The following C6orf163 variants were observed in gnomAD, a reference collection of about 807,000 sequenced individuals.
The protein encoded by C6orf163 is uncharacterized protein C6orf163.
Under a neutral mutation model 28.4 loss-of-function variants are expected in C6orf163, and 22 were observed. That is an observed-to-expected ratio of 0.78 (90% CI 0.55 to 1.11). C6orf163 has a LOEUF of 1.11. Ranked by LOEUF, C6orf163 falls within the 50% of genes least tolerant of loss-of-function variation. The pLI is 0.00. For missense variants in C6orf163, 342 were observed against 389.1 expected (o/e 0.88, Z 1.02); for synonymous variants, 110 against 123.6 (o/e 0.89, Z 0.73).
intron 4 of C6orf163, among the ~76,000 whole-genome samples, chr6:87,363,130 C>A (rs77153290): frequency 1.3e-5 from 2 of 152,134 alleles, no homozygotes; most frequent in Non-Finnish European, 2.9e-5. Flanking sequence ...TTAATGTATG[C>A]ATAGAATGCT....
At chr6:87,356,030 A>G (rs1582108500) in intron 3 of C6orf163, 1 of 368,798 alleles carries the variant, frequency 2.7e-6, no homozygotes, top group East Asian at 4.6e-5. Context: ...CTTTAACCCT[A>G]CCCCTCTAAC....
chr6:87,347,894 G>C, intron 1 of C6orf163: 1 of 984,276 alleles, frequency 1.0e-6, no homozygotes, highest in South Asian at 4.7e-5. Context: ...GGTGGCTCAC[G>C]CCTGTAATCC....
At chr6:87,352,099 A>AC (rs1777422188) in intron 3 of C6orf163, among the ~76,000 whole-genome samples, 1 of 121,112 alleles carries the variant, frequency 8.3e-6, no homozygotes, top group Non-Finnish European at 1.9e-5. Flanking sequence ...AGGGGGATCG[A>AC]CCTTCCTGAA....
At chr6:87,348,213 C>G (rs1582104036) in intron 1 of C6orf163, 1 of 984,058 alleles carries the variant, frequency 1.0e-6, no homozygotes, top group African/African-American at 1.7e-5. Context: ...GCGTGGTCCT[C>G]TAGCCTCTCT....
intron 2 of C6orf163, among the ~76,000 whole-genome samples, chr6:87,349,271 A>T (rs976064389): frequency 4.6e-5 from 7 of 152,282 alleles, no homozygotes; most frequent in South Asian, 2.1e-4. Context: ...AAGAAAAAAA[A>T]ATGTCTAAGA....
chr6:87,347,354 A>G (rs1044099397), intron 1 of C6orf163: 5 of 975,392 alleles, frequency 5.1e-6, no homozygotes, highest in Middle Eastern at 5.2e-4. Context: ...CTGTTGTACA[A>G]TCAGGGTTGA....
chr6:87,360,849 C>T (rs575571171), intron 4 of C6orf163, among the ~76,000 whole-genome samples: 2 of 152,254 alleles, frequency 1.3e-5, no homozygotes, highest in African/African-American at 2.4e-5. Context: ...GTATACACAA[C>T]GGGCACCACA....
rs972119785 is a variant in C6orf163, at chr6:87,364,928, A to G, written c.555-33A>G. On this transcript the variant is annotated intron_variant, in intron 4 of 4. Transcript: ENST00000388923. ...TTATTTTGTTTTTAGTGGCCAATCC[A>G]TCTAAATTATAAATCCATATTATCT... The G allele has an allele frequency of 2.0e-6, 3 of 1,467,376 alleles. No homozygotes were observed. In the African/African-American group the frequency reaches 4.3e-5, roughly 21 times the overall value. 90.9% of individuals were successfully genotyped at this position (1,467,376 alleles called of 1,614,324 possible).
chr6:87,347,985 G>A (rs543266768), intron 1 of C6orf163: 22 of 622,794 alleles, frequency 3.5e-5, no homozygotes, highest in South Asian at 2.1e-4. Flanking sequence ...GTGAAAGCCC[G>A]TTTCTACTAA....
chr6:87,359,388 C>T (rs992674035), intron 4 of C6orf163, among the ~76,000 whole-genome samples: 2 of 152,200 alleles, frequency 1.3e-5, no homozygotes, highest in African/African-American at 2.4e-5. Context: ...TAGAAATGCA[C>T]TGCTGAATGC....
intron 4 of C6orf163, among the ~76,000 whole-genome samples, chr6:87,364,378 T>C (rs1475760535): frequency 1.3e-5 from 2 of 152,192 alleles, no homozygotes; most frequent in African/African-American, 4.8e-5. Flanking sequence ...TAAAAATGTC[T>C]CCCTTTTAGT....
intron 3 of C6orf163, among the ~76,000 whole-genome samples, chr6:87,351,176 GA>G (rs1306839660): frequency 6.6e-6 from 1 of 152,114 alleles, no homozygotes; most frequent in African/African-American, 2.4e-5. Flanking sequence ...TCAGTACCTC[GA>G]TTACAAAATC....
intron 3 of C6orf163, among the ~76,000 whole-genome samples, chr6:87,353,276 A>T (rs1398413549): frequency 6.6e-6 from 1 of 152,178 alleles, no homozygotes; most frequent in African/African-American, 2.4e-5. Context: ...CTATGATTCA[A>T]TAATTTATTG....
At chr6:87,361,174 A>G (rs982322051) in intron 4 of C6orf163, among the ~76,000 whole-genome samples, 4 of 152,098 alleles carry the variant, frequency 2.6e-5, no homozygotes, top group Non-Finnish European at 4.4e-5. Flanking sequence ...AGTCTCAGCT[A>G]TTCCGGAGGC....
intron 3 of C6orf163, among the ~76,000 whole-genome samples, chr6:87,352,507 A>G (rs569509161): frequency 3.3e-5 from 5 of 152,338 alleles, no homozygotes; most frequent in Admixed American, 3.3e-4. Context: ...TGTGTCTCAA[A>G]TGCATGCTGT....
At chr6:87,348,604 A>G (rs1256560248) in intron 1 of C6orf163, 8 of 1,341,548 alleles carry the variant, frequency 6.0e-6, no homozygotes, top group South Asian at 3.5e-5. Flanking sequence ...GGAATGACCA[A>G]CTCTATCCAG....
intron 2 of C6orf163, among the ~76,000 whole-genome samples, chr6:87,349,167 G>A (rs910563): frequency 0.43 from 65,702 of 151,918 alleles, 14,559 homozygotes; most frequent in Non-Finnish European, 0.48. Context: ...GTAAGAAGCC[G>A]GCATCATCAG....
At position 87,346,947 on chromosome 6, in the gene C6orf163, T is replaced by C. The variant is rs78380503; in HGVS notation, c.148+1700T>C. ...TGGCACTTTGTCAAAGCTGGAACAC[T>C]GGCATTGAAACAATACTATTAACTC... On this transcript the variant is annotated intron_variant, in intron 1 of 4. Transcript: ENST00000388923. Among the ~76,000 whole-genome samples the C allele has an allele frequency of 6.1e-3, 924 of 152,340 alleles. 14 individuals are homozygous for C. The highest frequency in any genetic ancestry group is 0.021 in the African/African-American group (888 of 41,578).
In C6orf163 at chr6:87,363,796, G is replaced by A. The variant is rs543131816; in HGVS notation, c.555-1165G>A. On this transcript the variant is annotated intron_variant, in intron 4 of 4. Coordinates refer to ENST00000388923, the MANE Select transcript of C6orf163 (RefSeq NM_001010868.3). Reference sequence around the variant, plus strand: ...AGTCTTTGCTATTGTGAATAGTGCCGCAATAAACATACGTGTGCATGTGTC... The same window carrying A: ...AGTCTTTGCTATTGTGAATAGTGCCACAATAAACATACGTGTGCATGTGTC... Among the ~76,000 whole-genome samples the A allele has an allele frequency of 9.2e-5, 14 of 152,022 alleles. No homozygotes were observed. The East Asian group carries it at 1.2e-3, about 13-fold the overall frequency.
Sources: gnomAD v4.1 joint callset for allele counts (sites outside exome capture counted in the v4.1 genomes callset) on GRCh38, gnomAD v4.1.1 for gene constraint, MANE v1.5 for transcripts, NCBI Gene and HGNC (gene_info 2026-07-23, HGNC 2026-07-21) for gene names.